Variants in ALOX5AP observed in about 807,000 individuals in gnomAD.
ALOX5AP encodes arachidonate 5-lipoxygenase activating protein.
Under a neutral mutation model 18.5 loss-of-function variants are expected in ALOX5AP, and 9 were observed. That is an observed-to-expected ratio of 0.49 (90% CI 0.29 to 0.85). The LOEUF is 0.85. Ranked by LOEUF, ALOX5AP falls within the 40% of genes least tolerant of loss-of-function variation. The probability of loss-of-function intolerance (pLI) is 0.08; values close to 1 mark genes in which losing one functional copy is unlikely to be tolerated. For missense variants in ALOX5AP, 172 were observed against 202.5 expected, an observed-to-expected ratio of 0.85 and a Z score of 0.91; for synonymous variants, 81 against 78.6, an observed-to-expected ratio of 1.03 and a Z score of -0.16.
At position 30,764,167 on chromosome 13, in the gene ALOX5AP, T is replaced by A. The variant is rs1244867680; in HGVS notation, c.*61T>A. 6 of 1,539,790 alleles carry A rather than the reference T, an allele frequency of 3.9e-6. No individual in the cohort carries two copies. The Admixed American group carries it at 7.6e-5, about 20-fold the overall frequency. On this transcript the variant is annotated 3_prime_UTR_variant, in exon 5 of 5. Coordinates refer to ENST00000380490, the MANE Select transcript of ALOX5AP (RefSeq NM_001629.4). ...ATCAATACCTACAAGTCATCATAAT[T>A]CAGCTCTTGAGAGCATTCTGCTCTT...
upstream of ALOX5AP, among the ~76,000 whole-genome samples, chr13:30,731,523 C>T (rs990093548): frequency 2.0e-4 from 30 of 152,246 alleles, no homozygotes; most frequent in African/African-American, 6.5e-4. Context: ...CAGGTCTGTG[C>T]CACCACGTCC....
At chr13:30,759,996 GTTCAC>G (rs1472775552) in intron 4 of ALOX5AP, among the ~76,000 whole-genome samples, 8 of 152,122 alleles carry the variant, frequency 5.3e-5, no homozygotes, top group Admixed American at 1.3e-4. Flanking sequence ...GCTGAAGGCT[GTTCAC>G]TTCTCTTTTC....
chr13:30,713,847 T>TGTGTGTGTGCGCGCACACGCGC, intron 1 of ALOX5AP: 3 of 1,535,110 alleles, frequency 2.0e-6, no homozygotes, highest in South Asian at 1.2e-5. Flanking sequence ...TGCTGGTGTG[T>TGTGTGTGTGCGCGCACACGCGC]GTGTGTGTGC....
chr13:30,722,893 C>T (rs1451693939), intron 1 of ALOX5AP, among the ~76,000 whole-genome samples: 2 of 152,356 alleles, frequency 1.3e-5, no homozygotes, highest in South Asian at 2.1e-4. Flanking sequence ...CTCTTCACCT[C>T]CCCTTCTCCT....
At chr13:30,719,745 A>G (rs952724520) in intron 1 of ALOX5AP, among the ~76,000 whole-genome samples, 1 of 152,246 alleles carries the variant, frequency 6.6e-6, no homozygotes, top group Non-Finnish European at 1.5e-5. Flanking sequence ...GCGACTGGTC[A>G]GGATATTCCG....
At chr13:30,724,176 A>G (rs1420672187) in intron 1 of ALOX5AP, among the ~76,000 whole-genome samples, 1 of 152,192 alleles carries the variant, frequency 6.6e-6, no homozygotes, top group Admixed American at 6.5e-5. Flanking sequence ...AGTGTTTCAT[A>G]CAAATGGAAT....
intron 2 of ALOX5AP, among the ~76,000 whole-genome samples, chr13:30,748,829 A>G (rs998075050): frequency 2.0e-5 from 3 of 152,194 alleles, no homozygotes; most frequent in African/African-American, 7.2e-5. Context: ...TAGGAAATGC[A>G]CCCACACTCA....
At chr13:30,717,965 C>CTT (rs60361280) in intron 1 of ALOX5AP, among the ~76,000 whole-genome samples, 24,959 of 144,018 alleles carry the variant, frequency 0.17, 3,150 homozygotes, top group African/African-American at 0.34. Context: ...TTTATTTTTT[C>CTT]TTTTTTTTTT....
At chr13:30,745,256 T>C (rs1593438650) in intron 2 of ALOX5AP, among the ~76,000 whole-genome samples, 1 of 152,220 alleles carries the variant, frequency 6.6e-6, no homozygotes, top group African/African-American at 2.4e-5. Context: ...GGTGTAGGCA[T>C]GAGGGGATTG....
At chr13:30,753,053 T>C (rs181305610) in intron 3 of ALOX5AP, among the ~76,000 whole-genome samples, 105 of 152,290 alleles carry the variant, frequency 6.9e-4, no homozygotes, top group Non-Finnish European at 1.2e-3. Context: ...TGCCTAGATA[T>C]ACAGTGATAA....
chr13:30,733,178 A>G (rs1047251760), upstream of ALOX5AP, among the ~76,000 whole-genome samples: 2 of 147,428 alleles, frequency 1.4e-5, no homozygotes, highest in South Asian at 2.2e-4. Context: ...AAAAAAAAAG[A>G]GAGGAAGGGC....
chr13:30,739,830 A>G (rs1951748678), intron 1 of ALOX5AP, among the ~76,000 whole-genome samples: 1 of 152,254 alleles, frequency 6.6e-6, no homozygotes, highest in Non-Finnish European at 1.5e-5. Flanking sequence ...AGCTGGGATT[A>G]AAACCTAATC....
Position 30,758,859 on chromosome 13 carries a change from A to G in ALOX5AP, c.323+2834A>G, listed in dbSNP as rs1386664312. 2.6e-5 allele frequency among the ~76,000 whole-genome samples: 4 copies of G among 151,250 alleles called. No individual in the cohort carries two copies. In the East Asian group the frequency reaches 7.8e-4, roughly 29 times the overall value. ...TTACATAGTCTTGCTCTGTCACCCA[A>G]ACTGGAGTGCAGTGGCCTGATCTTG... On this transcript the variant is annotated intron_variant, in intron 4 of 4. Coordinates refer to ENST00000380490, the MANE Select transcript of ALOX5AP (RefSeq NM_001629.4).
intron 4 of ALOX5AP, among the ~76,000 whole-genome samples, chr13:30,758,366 G>C (rs1436682771): frequency 6.6e-6 from 1 of 152,160 alleles, no homozygotes; most frequent in Admixed American, 6.5e-5. Flanking sequence ...ATGCTCTTGG[G>C]ACCTGCTTTA....
intron 1 of ALOX5AP, among the ~76,000 whole-genome samples, chr13:30,716,666 A>G (rs1440032260): frequency 6.6e-6 from 1 of 152,140 alleles, no homozygotes; most frequent in Non-Finnish European, 1.5e-5. Context: ...CCTTTAGCCA[A>G]CTGGAAGTGG....
Position 30,739,687 on chromosome 13 carries a change from G to A in ALOX5AP, c.70+4012G>A, listed in dbSNP as rs988981594. Among the ~76,000 whole-genome samples the A allele has an allele frequency of 3.9e-5, 6 of 152,120 alleles. No individual in the cohort carries two copies. The East Asian group carries it at 7.7e-4, about 20-fold the overall frequency. On this transcript the variant is annotated intron_variant, in intron 1 of 4. Coordinates refer to ENST00000380490, the MANE Select transcript of ALOX5AP (RefSeq NM_001629.4). ...TGACCTCAAGTCATCCTCCTGCCTC[G>A]ACCTCCCAAAGTGCTGGGATTACAG...
intron 1 of ALOX5AP, among the ~76,000 whole-genome samples, chr13:30,728,940 G>C (rs1298394002): frequency 1.3e-5 from 2 of 152,222 alleles, no homozygotes; most frequent in Non-Finnish European, 2.9e-5. Context: ...TACCAGCAAT[G>C]ATTGATAGTT....
intron 1 of ALOX5AP, among the ~76,000 whole-genome samples, chr13:30,737,084 T>A (rs1951728060): frequency 6.6e-6 from 1 of 152,236 alleles, no homozygotes; most frequent in Non-Finnish European, 1.5e-5. Flanking sequence ...TAGCACTTAT[T>A]CAGCTCTGGA....
At chr13:30,742,859 G>GCCCCCCC (rs11316477) in intron 1 of ALOX5AP, among the ~76,000 whole-genome samples, 85 of 105,994 alleles carry the variant, frequency 8.0e-4, no homozygotes, top group Middle Eastern at 4.8e-3. Flanking sequence ...GACCTTCACC[G>GCCCCCCC]CCCCCCCCCC....
Sources: allele counts gnomAD v4.1 joint callset (sites outside exome capture counted in the v4.1 genomes callset), GRCh38; gene constraint gnomAD v4.1.1; transcripts MANE v1.5; gene names NCBI Gene and HGNC (gene_info 2026-07-23, HGNC 2026-07-21).